PARN: variants seen among roughly 807,000 people sequenced by gnomAD.
PARN encodes the protein poly(A)-specific ribonuclease PARN.
In PARN, 71 loss-of-function variants were observed where a neutral mutation model predicts 102.8. That is an observed-to-expected ratio of 0.69 (90% CI 0.57 to 0.84). The LOEUF (loss-of-function observed/expected upper bound fraction) is 0.84. Ranked by LOEUF, PARN falls within the 40% of genes least tolerant of loss-of-function variation. The pLI, the probability that PARN is intolerant of heterozygous loss-of-function variation, is 0.00. For synonymous variants in PARN, 261 were observed against 252.9 expected (o/e 1.03, Z -0.30); for missense variants, 782 against 760.9 (o/e 1.03, Z -0.33).
chr16:14,566,622 C>G (rs1968449923), intron 18 of PARN, among the ~76,000 whole-genome samples: 1 of 152,228 alleles, frequency 6.6e-6, no homozygotes, highest in South Asian at 2.1e-4. Flanking sequence ...GAACACTAAT[C>G]CAATACCCTA....
chr16:14,553,256 TAAAAAAA>T (rs58411352), intron 20 of PARN, among the ~76,000 whole-genome samples: 2 of 117,472 alleles, frequency 1.7e-5, no homozygotes, highest in African/African-American at 6.7e-5. Flanking sequence ...TATTTCTATT[TAAAAAAA>T]AAAAAAAAAA....
intron 18 of PARN, among the ~76,000 whole-genome samples, chr16:14,568,893 C>CA (rs1299971627): frequency 2.0e-5 from 3 of 148,618 alleles, no homozygotes; most frequent in South Asian, 2.1e-4. Flanking sequence ...GACTCCATCT[C>CA]AAAAAAAATT....
chr16:14,569,620 ATACAAT>A (rs1379476404), intron 18 of PARN, among the ~76,000 whole-genome samples: 1 of 152,254 alleles, frequency 6.6e-6, no homozygotes, highest in Non-Finnish European at 1.5e-5. Flanking sequence ...TAAGGCAGTA[ATACAAT>A]TACAAAAGAA....
At chr16:14,503,393 T>A (rs1218350575) in intron 21 of PARN, among the ~76,000 whole-genome samples, 1 of 152,182 alleles carries the variant, frequency 6.6e-6, no homozygotes, top group Non-Finnish European at 1.5e-5. Context: ...CAGTATCTAT[T>A]TCTTTTAGCA....
chr16:14,564,828 C>G (rs117490751), intron 18 of PARN, among the ~76,000 whole-genome samples: 4,281 of 152,242 alleles, frequency 0.028, 81 homozygotes, highest in Non-Finnish European at 0.041. Flanking sequence ...CTTTCTGCTT[C>G]TCTCAAGACT....
intron 12 of PARN, among the ~76,000 whole-genome samples, chr16:14,598,461 A>C (rs1970662589): frequency 6.6e-6 from 1 of 152,106 alleles, no homozygotes; most frequent in African/African-American, 2.4e-5. Flanking sequence ...AAACCAACTT[A>C]TGTTCCGTAT....
chr16:14,627,128 G>A lies in PARN; in HGVS notation c.305C>T (p.Pro102Leu). The part of the protein sequence containing the change: ...VFPKPFNRSS[P>L]DVKFVCQSSS... Reference sequence around the variant, plus strand: ...TACCTGACAAACAAATTTGACATCTGGTGAGGATCTATTGAAGGGTTTCGG... The same window carrying A: ...TACCTGACAAACAAATTTGACATCTAGTGAGGATCTATTGAAGGGTTTCGG... The change falls in exon 5 of 24, where the codon CCA becomes CTA. Residue 102 changes from proline to leucine, a missense_variant. Pro to Leu is a moderately conservative substitution (Grantham distance 98). Coordinates refer to ENST00000437198, the MANE Select transcript of PARN (RefSeq NM_002582.4). 1 of 1,599,442 alleles carries A rather than the reference G, an allele frequency of 6.3e-7. No individual in the cohort carries two copies. Among genetic ancestry groups the A allele is most frequent in the Non-Finnish European group, 8.6e-7 (1 of 1,167,960 alleles).
rs560024007 is a variant in PARN at position 14,463,287 on chromosome 16, C to G, written c.1671-16206G>C. Among the ~76,000 whole-genome samples the G allele has an allele frequency of 3.3e-5, 5 of 152,076 alleles. No individual in the cohort carries two copies. In the East Asian group the frequency reaches 9.6e-4, roughly 29 times the overall value. ...TCAACGACATACTGGAAACAAAGCT[C>G]AAGAACATTTATAGGAATACAAAAA... On this transcript the variant is annotated intron_variant, in intron 22 of 23. Transcript: ENST00000437198.
At chr16:14,533,444 AGGG>A (rs1966467238) in intron 21 of PARN, among the ~76,000 whole-genome samples, 1 of 12,664 alleles carries the variant, frequency 7.9e-5, no homozygotes, top group Non-Finnish European at 1.5e-4. Flanking sequence ...GGAGAGGGAG[AGGG>A]AGAGGGAGAG....
At chr16:14,555,204 C>T (rs1030314008) in intron 19 of PARN, among the ~76,000 whole-genome samples, 2 of 152,118 alleles carry the variant, frequency 1.3e-5, no homozygotes, top group Non-Finnish European at 2.9e-5. Context: ...GAAGAAAAAG[C>T]AACCACCTCC....
Position 14,627,275 on chromosome 16 carries a change from T to C in PARN, c.239A>G (p.Asp80Gly), listed in dbSNP as rs1323671329. ...GTTTGTTAACACAACCTACTTTGAA[T>C]CTGTGTAGTCATACTTAAAAGTGCA... is the stretch of plus-strand genomic sequence containing the variant. ...GLCTFKYDYT[D>G]SKYITKSFNF... Residue 80 changes from aspartate to glycine, a missense_variant, in exon 4 of 24, where the codon GAT becomes GGT. Asp to Gly is a moderately conservative substitution (Grantham distance 94). Transcript: ENST00000437198. 1 of 1,593,150 alleles carries C rather than the reference T, an allele frequency of 6.3e-7. No homozygotes were observed. Among genetic ancestry groups the C allele is most frequent in the Non-Finnish European group, 8.6e-7 (1 of 1,168,610 alleles).
chr16:14,478,793 T>G (rs1209228384), intron 22 of PARN, among the ~76,000 whole-genome samples: 1 of 152,230 alleles, frequency 6.6e-6, no homozygotes, highest in African/African-American at 2.4e-5. Context: ...TATATTTCTT[T>G]TTTTTGAGAT....
At chr16:14,610,595 C>G in intron 7 of PARN, 49 bp downstream of exon 7, 1 of 1,172,212 alleles carries the variant, frequency 8.5e-7, no homozygotes, top group Non-Finnish European at 1.3e-6. Context: ...GCCTGTCATC[C>G]CCAATATATA....
intron 12 of PARN, among the ~76,000 whole-genome samples, chr16:14,596,789 T>C (rs1452572439): frequency 7.3e-6 from 1 of 137,132 alleles, no homozygotes; most frequent in Non-Finnish European, 1.6e-5. Context: ...TTTTCTTTCC[T>C]TTTTTTTTTT....
chr16:14,620,376 C>CAAAAACA (rs914573304), intron 5 of PARN, among the ~76,000 whole-genome samples: 3 of 152,154 alleles, frequency 2.0e-5, no homozygotes, highest in East Asian at 1.9e-4. Flanking sequence ...GACTCCATCT[C>CAAAAACA]AAAAACAAAA....
chr16:14,519,334 TGGAGGGTGGAGG>T (rs1567341976), intron 21 of PARN, among the ~76,000 whole-genome samples: 1 of 10,462 alleles, frequency 9.6e-5, no homozygotes, highest in Admixed American at 1.3e-3. Flanking sequence ...GGGACGTGAG[TGGAGGGTGGAGG>T]GGAGGGGAGG....
At chr16:14,605,541 T>C (rs138561624) in intron 10 of PARN, among the ~76,000 whole-genome samples, 62 of 152,348 alleles carry the variant, frequency 4.1e-4, no homozygotes, top group African/African-American at 1.4e-3. Context: ...TATGTTGTAT[T>C]ACCATAAGAA....
At chr16:14,444,983 A>ATTTTTTTTTT (rs564058919) in intron 23 of PARN, among the ~76,000 whole-genome samples, 1 of 117,972 alleles carries the variant, frequency 8.5e-6, no homozygotes, top group Non-Finnish European at 1.7e-5. Context: ...TAATATTTAA[A>ATTTTTTTTTT]TTTTTTTTTT....
At chr16:14,502,057 T>C (rs539117302) in intron 21 of PARN, among the ~76,000 whole-genome samples, 3 of 152,384 alleles carry the variant, frequency 2.0e-5, no homozygotes, top group African/African-American at 4.8e-5. Context: ...CACAATGGAA[T>C]GAGTGTGTAC....
Sources: gnomAD v4.1 joint callset for allele counts (sites outside exome capture counted in the v4.1 genomes callset) on GRCh38, gnomAD v4.1.1 for gene constraint, MANE v1.5 for transcripts, NCBI Gene and HGNC (gene_info 2026-07-23, HGNC 2026-07-21) for gene names.